Variants in NOS2 observed in about 807,000 individuals in gnomAD.
The protein encoded by NOS2 is nitric oxide synthase, inducible.
A neutral mutation model predicts 136.0 loss-of-function variants in NOS2; 96 were observed. That is an observed-to-expected ratio of 0.71 (90% CI 0.60 to 0.84). The LOEUF is 0.84. NOS2 is among the 40% of genes least tolerant of loss of function. NOS2 has a pLI of 0.00. For missense variants in NOS2, 1,237 were observed against 1,496.9 expected (o/e 0.83, Z 2.87); for synonymous variants, 539 against 587.5 (o/e 0.92, Z 1.20).
Position 27,763,092 on chromosome 17 carries a change from TTCAC to T in NOS2, c.2593-91_2593-88del. 9.1e-6 allele frequency: 8 copies of T among 875,528 alleles called. No individual in the cohort carries two copies. In the South Asian group the frequency reaches 1.2e-4, roughly 13 times the overall value. The allele number at this position is 875,528 out of a possible 1,614,324, so 54.2% of individuals were successfully genotyped here. A position where few individuals can be genotyped will look rare whatever the true frequency, so the allele number is the denominator to read the frequency against. ...TCACAACCCAGTATTCATTCATTCA[TTCAC>T]TCACTCAACAAACAAGTCCATGTGC... On this transcript the variant is annotated intron_variant, in intron 21 of 26. Transcript: ENST00000313735.
intron 26 of NOS2, 107 bp from the exon 27 acceptor site, chr17:27,757,460 C>T: frequency 1.2e-6 from 1 of 858,782 alleles, no homozygotes; most frequent in Non-Finnish European, 1.9e-6. Context: ...TCTGTCTTCC[C>T]AACTGTTATA....
chr17:27,786,757 G>C (rs1200419358), intron 5 of NOS2, among the ~76,000 whole-genome samples: 3 of 152,270 alleles, frequency 2.0e-5, no homozygotes, highest in Admixed American at 6.5e-5. Context: ...AAGGCATAGA[G>C]AGACAAAGTA....
At chr17:27,797,702 C>T (rs1909397286) in intron 2 of NOS2, among the ~76,000 whole-genome samples, 1 of 152,164 alleles carries the variant, frequency 6.6e-6, no homozygotes, top group African/African-American at 2.4e-5. Context: ...TGCACTATTG[C>T]GTTATTGCAG....
At chr17:27,761,836 C>T (rs537347747) in intron 22 of NOS2, among the ~76,000 whole-genome samples, 10 of 152,262 alleles carry the variant, frequency 6.6e-5, no homozygotes, top group African/African-American at 2.2e-4. Context: ...TGAGGAAGGC[C>T]TCCAACCAAC....
In NOS2 at chr17:27,757,735, G is replaced by A. The variant is rs565742674; in HGVS notation, c.3355-382C>T. Among the ~76,000 whole-genome samples, 33 of 152,316 alleles carry A rather than the reference G, an allele frequency of 2.2e-4. No individual in the cohort carries two copies. The South Asian group carries it at 2.5e-3, about 11-fold the overall frequency. On this transcript the variant is annotated intron_variant, in intron 26 of 26. Coordinates refer to ENST00000313735, the MANE Select transcript of NOS2 (RefSeq NM_000625.4). ...CCCAGAAGTCTTGTAGTAAAGCAAC[G>A]TGTTTGCCTTGCCTTAACTAAGCAT...
intron 18 of NOS2, 127 bp downstream of exon 18, chr17:27,767,578 T>G (rs1908345890): frequency 1.8e-6 from 2 of 1,091,940 alleles, no homozygotes; most frequent in Non-Finnish European, 2.6e-6. Context: ...GGCTCTTGCA[T>G]GCAGTGAGAG....
chr17:27,774,290 C>A lies in NOS2; in HGVS notation c.1443G>T (p.Leu481=). ...AGTAGAAAGGGGACAGGACGTAGTT[C>A]AGCATCTCCTGGTGAAACACGGGGG... ...SITPVFHQEM[L]NYVLSPFYYY... is the part of the protein sequence containing the mutation. The change falls in exon 12 of 27, where the codon CTG becomes CTT. Residue 481 remains leucine (L), a synonymous_variant. Transcript: ENST00000313735. 3 of 1,546,614 alleles carry A rather than the reference C, an allele frequency of 1.9e-6. No individual in the cohort carries two copies. The highest frequency in any genetic ancestry group is 1.3e-5 in the South Asian group (1 of 78,724).
At chr17:27,764,227 C>G in intron 20 of NOS2, 83 bp from the exon 21 acceptor site, 1 of 813,156 alleles carries the variant, frequency 1.2e-6, no homozygotes, top group Non-Finnish European at 1.8e-6. Context: ...CAGGCAGACA[C>G]CCTCTATTCT....
chr17:27,794,325 G>A (rs28998820), intron 2 of NOS2, among the ~76,000 whole-genome samples: 122 of 152,338 alleles, frequency 8.0e-4, no homozygotes, highest in African/African-American at 2.8e-3. Flanking sequence ...GTGACTTCTA[G>A]TAGGAATATT....
At position 27,787,929 on chromosome 17, in the gene NOS2, G is replaced by A. The variant is rs28942369; in HGVS notation, c.319-103C>T. 484 of 1,275,688 alleles carry A rather than the reference G, an allele frequency of 3.8e-4. 2 individuals carry two copies. The African/African-American group carries it at 6.4e-3, about 17-fold the overall frequency. 79.0% of individuals were successfully genotyped at this position (1,275,688 alleles called of 1,614,324 possible). A position where few individuals can be genotyped will look rare whatever the true frequency, so the allele number is the denominator to read the frequency against. On this transcript the variant is annotated intron_variant, in intron 4 of 26. Coordinates refer to ENST00000313735, the MANE Select transcript of NOS2 (RefSeq NM_000625.4). ...CACCTGGCTCCTCTCTGGCTGCTCC[G>A]GCTCCCTGCACCTCTTCTCCACCCC...
intron 2 of NOS2, among the ~76,000 whole-genome samples, chr17:27,791,068 AT>A (rs1360435032): frequency 6.6e-6 from 1 of 152,264 alleles, no homozygotes; most frequent in Non-Finnish European, 1.5e-5. Flanking sequence ...ATAGAAAAAA[AT>A]GACTATATGT....
At chr17:27,798,136 T>C (rs934849914) in intron 2 of NOS2, among the ~76,000 whole-genome samples, 2 of 151,964 alleles carry the variant, frequency 1.3e-5, no homozygotes, top group African/African-American at 2.4e-5. Flanking sequence ...CAGCACACTA[T>C]GGTGAGGGCC....
At chr17:27,791,782 C>A (rs72845850) in intron 2 of NOS2, among the ~76,000 whole-genome samples, 14,261 of 115,108 alleles carry the variant, frequency 0.12, 1,960 homozygotes, top group African/African-American at 0.26. Context: ...AAAAACAAAA[C>A]AAAACAAAAC....
At chr17:27,759,446 C>T (rs962879906) in intron 25 of NOS2, among the ~76,000 whole-genome samples, 1 of 152,132 alleles carries the variant, frequency 6.6e-6, no homozygotes, top group Non-Finnish European at 1.5e-5. Context: ...CCCATTAGGT[C>T]TCTGCAGGGT....
intron 6 of NOS2, among the ~76,000 whole-genome samples, chr17:27,782,461 A>G (rs779580605): frequency 4.6e-5 from 7 of 152,146 alleles, no homozygotes; most frequent in Non-Finnish European, 8.8e-5. Context: ...ACCAGCACAT[A>G]CTACACAGCC....
chr17:27,757,196 G>T lies in NOS2; in HGVS notation c.*50C>A, dbSNP rs1216292514. On this transcript the variant is annotated 3_prime_UTR_variant, in exon 27 of 27. Coordinates refer to ENST00000313735, the MANE Select transcript of NOS2 (RefSeq NM_000625.4). ...TGTGACCTCAGATAATGCAGAGCTGGCTCCATCCTTAAGTTCTGTGCCGGC... is the reference window on the plus strand; with the variant it reads ...TGTGACCTCAGATAATGCAGAGCTGTCTCCATCCTTAAGTTCTGTGCCGGC... 6.9e-7 allele frequency: 1 copy of T among 1,447,890 alleles called. No individual in the cohort carries two copies. The allele number at this position is 1,447,890 out of a possible 1,614,324, so 89.7% of individuals were successfully genotyped here.
chr17:27,778,755 G>A lies in NOS2; in HGVS notation c.1216C>T (p.Leu406=). 6.2e-7 allele frequency: 1 copy of A among 1,614,208 alleles called. No individual in the cohort carries two copies. Among genetic ancestry groups the A allele is most frequent in the Non-Finnish European group, 8.5e-7 (1 of 1,180,040 alleles). ...GRRMGLETHK[L]ASLWKDQAVV... ...GCCTGGTCTTTCCAGAGCGAGGCCA[G>A]CTTGTGCGTTTCCAGGCCCATTCTC... is the stretch of plus-strand genomic sequence containing the variant. Residue 406 remains leucine (L), a synonymous_variant, in exon 11 of 27, where the codon CTG becomes TTG. Transcript: ENST00000313735.
At chr17:27,767,938 G>A (rs1956430502) in intron 17 of NOS2, 101 bp from the exon 18 acceptor site, 3 of 1,470,212 alleles carry the variant, frequency 2.0e-6, no homozygotes, top group African/African-American at 1.4e-5. Flanking sequence ...GCCAAACACT[G>A]AGCCGTGTGT....
intron 2 of NOS2, 113 bp from the exon 3 acceptor site, chr17:27,789,801 T>C: frequency 5.6e-6 from 4 of 713,674 alleles, no homozygotes. Flanking sequence ...GTCCAGAGGG[T>C]GGGAGTGAAT....
Sources: gnomAD v4.1 joint callset for allele counts (sites outside exome capture counted in the v4.1 genomes callset) on GRCh38, gnomAD v4.1.1 for gene constraint, MANE v1.5 for transcripts, NCBI Gene and HGNC (gene_info 2026-07-23, HGNC 2026-07-21) for gene names.